The following ANKIB1 variants were observed in gnomAD, a reference collection of about 807,000 sequenced individuals.
ANKIB1 encodes ankyrin repeat and IBR domain-containing protein 1.
Under a neutral mutation model 122.1 loss-of-function variants are expected in ANKIB1, and 43 were observed. The ratio of observed to expected loss-of-function variants is 0.35; its 90% confidence interval spans 0.28 to 0.45. ANKIB1 has a LOEUF of 0.45. ANKIB1 is among the 20% of genes least tolerant of loss of function. ANKIB1 has a pLI of 1.00. For missense variants in ANKIB1, 992 were observed against 1,329.5 expected (o/e 0.75, Z 3.95); for synonymous variants, 390 against 442.0 (o/e 0.88, Z 1.48).
At chr7:92,382,168 C>G (rs916270674) in intron 11 of ANKIB1, among the ~76,000 whole-genome samples, 6 of 152,158 alleles carry the variant, frequency 3.9e-5, no homozygotes, top group East Asian at 3.9e-4. Flanking sequence ...GTAAAGGGAT[C>G]AATTCAACAA....
intron 11 of ANKIB1, among the ~76,000 whole-genome samples, chr7:92,383,646 A>T (rs992575362): frequency 5.3e-5 from 8 of 152,206 alleles, no homozygotes; most frequent in African/African-American, 1.9e-4. Flanking sequence ...AAACCACATG[A>T]TCATCTCAAT....
chr7:92,333,269 A>T (rs1206322550), intron 5 of ANKIB1, among the ~76,000 whole-genome samples: 1 of 152,076 alleles, frequency 6.6e-6, no homozygotes, highest in East Asian at 1.9e-4. Context: ...TTATTTTTTT[A>T]AAATCCTGCA....
At chr7:92,268,552 A>C (rs1801720024) in intron 1 of ANKIB1, among the ~76,000 whole-genome samples, 1 of 152,174 alleles carries the variant, frequency 6.6e-6, no homozygotes, top group Admixed American at 6.5e-5. Context: ...ATCTTGGCTC[A>C]CTGCAACCTC....
At chr7:92,303,881 G>A (rs62467834) in intron 2 of ANKIB1, among the ~76,000 whole-genome samples, 7 of 152,198 alleles carry the variant, frequency 4.6e-5, no homozygotes, top group Non-Finnish European at 1.0e-4. Flanking sequence ...AGAAATAGAG[G>A]TAACAGCTAT....
At chr7:92,339,456 T>G (rs1424279424) in intron 5 of ANKIB1, among the ~76,000 whole-genome samples, 3 of 152,210 alleles carry the variant, frequency 2.0e-5, no homozygotes, top group East Asian at 1.9e-4. Flanking sequence ...AATTACTACC[T>G]TTTCATGAGT....
chr7:92,375,972 C>G (rs1002063593), intron 11 of ANKIB1, among the ~76,000 whole-genome samples: 1 of 152,206 alleles, frequency 6.6e-6, no homozygotes, highest in Admixed American at 6.5e-5. Flanking sequence ...CTTGGATGAC[C>G]ATGTGCATTG....
At chr7:92,338,804 T>C (rs2131969954) in intron 5 of ANKIB1, among the ~76,000 whole-genome samples, 1 of 144,518 alleles carries the variant, frequency 6.9e-6, no homozygotes. Context: ...CCCAGCTACT[T>C]GGGAGGCTGA....
intron 5 of ANKIB1, among the ~76,000 whole-genome samples, chr7:92,332,779 A>G (rs564879700): frequency 1.3e-5 from 2 of 152,274 alleles, no homozygotes; most frequent in Admixed American, 6.5e-5. Flanking sequence ...CCTTCTCCCA[A>G]GACTTTTGGA....
intron 1 of ANKIB1, among the ~76,000 whole-genome samples, chr7:92,278,704 T>A (rs1374955232): frequency 6.6e-6 from 1 of 152,216 alleles, no homozygotes. Flanking sequence ...GGATGAACTC[T>A]GAATTTTCAA....
intron 9 of ANKIB1, among the ~76,000 whole-genome samples, chr7:92,354,824 G>T (rs571117920): frequency 6.6e-6 from 1 of 151,764 alleles, no homozygotes; most frequent in Non-Finnish European, 1.5e-5. Flanking sequence ...ATCTGTTCAC[G>T]CAAAAAGACG....
intron 2 of ANKIB1, among the ~76,000 whole-genome samples, chr7:92,302,363 A>G (rs1226359237): frequency 6.6e-6 from 1 of 152,144 alleles, no homozygotes; most frequent in Non-Finnish European, 1.5e-5. Context: ...CTTTAGCTAT[A>G]TGGTATCTGC....
At chr7:92,296,575 C>G (rs1802361104) in intron 2 of ANKIB1, among the ~76,000 whole-genome samples, 1 of 152,126 alleles carries the variant, frequency 6.6e-6, no homozygotes, top group Admixed American at 6.6e-5. Context: ...GGGAACCTCT[C>G]TCTTTTTAAA....
At chr7:92,371,042 C>T (rs538490063) in intron 10 of ANKIB1, among the ~76,000 whole-genome samples, 3 of 152,202 alleles carry the variant, frequency 2.0e-5, no homozygotes, top group Non-Finnish European at 4.4e-5. Context: ...ATATTTTTTG[C>T]TTTTTACTAT....
chr7:92,373,205 A>G (rs947938578), intron 11 of ANKIB1, among the ~76,000 whole-genome samples: 4 of 152,176 alleles, frequency 2.6e-5, no homozygotes, highest in Non-Finnish European at 5.9e-5. Context: ...AAATTATTTC[A>G]TCTATTTGTG....
chr7:92,378,711 AAG>A (rs761894381), intron 11 of ANKIB1, among the ~76,000 whole-genome samples: 3 of 152,156 alleles, frequency 2.0e-5, no homozygotes, highest in African/African-American at 7.2e-5. Flanking sequence ...AGACAACAGA[AAG>A]AGATTAGTGA....
intron 1 of ANKIB1, among the ~76,000 whole-genome samples, chr7:92,284,099 C>T (rs147425004): frequency 5.3e-5 from 8 of 152,304 alleles, no homozygotes; most frequent in Non-Finnish European, 1.2e-4. Flanking sequence ...TAGATGAATA[C>T]AGGTTAACAT....
chr7:92,335,914 G>A (rs1271776374), intron 5 of ANKIB1, among the ~76,000 whole-genome samples: 1 of 151,822 alleles, frequency 6.6e-6, no homozygotes, highest in Non-Finnish European at 1.5e-5. Flanking sequence ...TATCTGTTGG[G>A]TTTTTAGCTA....
intron 3 of ANKIB1, among the ~76,000 whole-genome samples, chr7:92,312,056 A>G (rs1284263049): frequency 6.6e-6 from 1 of 152,106 alleles, no homozygotes; most frequent in Non-Finnish European, 1.5e-5. Context: ...TGATACCTGC[A>G]CTTGCCTTGG....
chr7:92,307,808 C>CTTTTTTTT (rs71107855), intron 3 of ANKIB1, among the ~76,000 whole-genome samples, 152 bp downstream of exon 3: 5 of 47,916 alleles, frequency 1.0e-4, no homozygotes, highest in African/African-American at 1.8e-4. Flanking sequence ...TAAAGGGCCT[C>CTTTTTTTT]TTTTTTTTTT....
Sources: allele counts gnomAD v4.1 joint callset (sites outside exome capture counted in the v4.1 genomes callset), GRCh38; gene constraint gnomAD v4.1.1; transcripts MANE v1.5; gene names NCBI Gene and HGNC (gene_info 2026-07-23, HGNC 2026-07-21).